Variants in CRADD observed in about 807,000 individuals in gnomAD.
CRADD encodes the protein death domain-containing protein CRADD.
In CRADD, 9 loss-of-function variants were observed where a neutral mutation model predicts 15.5. That is an observed-to-expected ratio of 0.58 (90% CI 0.35 to 1.01). CRADD has a LOEUF of 1.01. CRADD is among the 50% of genes least tolerant of loss of function. CRADD has a pLI of 0.02. For missense variants in CRADD, 227 were observed against 250.3 expected (o/e 0.91, Z 0.63); for synonymous variants, 118 against 107.6 (o/e 1.10, Z -0.60).
At chr12:93,701,716 G>A (rs1472712845) in intron 2 of CRADD, among the ~76,000 whole-genome samples, 1 of 152,142 alleles carries the variant, frequency 6.6e-6, no homozygotes, top group African/African-American at 2.4e-5. Context: ...GCTGGCAAAG[G>A]AGGAAATTAC....
chr12:93,717,535 A>AT (rs1290375293), intron 2 of CRADD, among the ~76,000 whole-genome samples: 1 of 151,806 alleles, frequency 6.6e-6, no homozygotes, highest in East Asian at 1.9e-4. Flanking sequence ...TCTATTTTTA[A>AT]TTTTTTTAGA....
intron 2 of CRADD, among the ~76,000 whole-genome samples, chr12:93,788,888 T>C (rs1957315572): frequency 6.6e-6 from 1 of 152,130 alleles, no homozygotes; most frequent in African/African-American, 2.4e-5. Flanking sequence ...TGGATGTTAG[T>C]CCCTGTCGTC....
At chr12:93,809,152 G>T (rs1332235647) in intron 2 of CRADD, among the ~76,000 whole-genome samples, 1 of 152,286 alleles carries the variant, frequency 6.6e-6, no homozygotes, top group East Asian at 1.9e-4. Context: ...GACCTCAGGT[G>T]ATCCACCTGC....
chr12:93,782,279 G>A (rs1198978434), intron 2 of CRADD, among the ~76,000 whole-genome samples: 1 of 150,754 alleles, frequency 6.6e-6, no homozygotes, highest in Non-Finnish European at 1.5e-5. Flanking sequence ...ACTCATAGGT[G>A]GGAATTGAAC....
chr12:93,686,043 T>G lies in CRADD; in HGVS notation c.298+6971T>G, dbSNP rs576939327. 6.0e-5 allele frequency among the ~76,000 whole-genome samples: 9 copies of G among 150,948 alleles called. No individual in the cohort carries two copies. In the East Asian group the frequency reaches 1.8e-3, roughly 30 times the overall value. ...GGTTGGGTGTAGTGGCTCATGCCTG[T>G]AATCCCTACACTTTGGGAGGCTGAG... is the stretch of plus-strand genomic sequence containing the variant. On this transcript the variant is annotated intron_variant, in intron 2 of 2. Transcript: ENST00000332896.
intron 2 of CRADD, among the ~76,000 whole-genome samples, chr12:93,772,238 C>T (rs1280883741): frequency 6.6e-6 from 1 of 152,178 alleles, no homozygotes; most frequent in Non-Finnish European, 1.5e-5. Context: ...TATTGACAGT[C>T]TTTATGAGCT....
At chr12:93,787,281 A>G (rs1957289149) in intron 2 of CRADD, among the ~76,000 whole-genome samples, 1 of 149,578 alleles carries the variant, frequency 6.7e-6, no homozygotes, top group African/African-American at 2.5e-5. Context: ...AAAACGAGCC[A>G]GGACTGTAAA....
intron 2 of CRADD, among the ~76,000 whole-genome samples, chr12:93,773,277 CA>C (rs1957103935): frequency 6.6e-6 from 1 of 152,140 alleles, no homozygotes. Context: ...TGAATTCCCA[CA>C]TGTTGTGGGA....
At chr12:93,749,524 C>CTGA (rs1956807054) in intron 2 of CRADD, among the ~76,000 whole-genome samples, 1 of 152,210 alleles carries the variant, frequency 6.6e-6, no homozygotes. Context: ...TGCTGGGCTT[C>CTGA]TTCAGTGATA....
At chr12:93,678,652 C>T (rs780483928) in intron 1 of CRADD, 117 bp from the exon 2 acceptor site, 298 of 1,015,480 alleles carry the variant, frequency 2.9e-4, no homozygotes, top group Non-Finnish European at 4.1e-4. Context: ...CATGACCTGG[C>T]AGTCTGCTAT....
intron 2 of CRADD, among the ~76,000 whole-genome samples, chr12:93,795,902 G>A (rs952210202): frequency 4.6e-5 from 7 of 152,210 alleles, no homozygotes; most frequent in Non-Finnish European, 7.3e-5. Context: ...ACACACTAGG[G>A]ATGTCCCAGG....
chr12:93,763,878 A>T (rs1381277013), intron 2 of CRADD, among the ~76,000 whole-genome samples: 1 of 152,164 alleles, frequency 6.6e-6, no homozygotes, highest in African/African-American at 2.4e-5. Flanking sequence ...AAACCACAGA[A>T]ATGTTCATCA....
chr12:93,860,612 G>A (rs1214606768), intron 2 of CRADD, among the ~76,000 whole-genome samples: 2 of 152,164 alleles, frequency 1.3e-5, no homozygotes, highest in East Asian at 1.9e-4. Context: ...GTAAAAACCC[G>A]AGGGAGGGAG....
Position 93,824,234 on chromosome 12 carries a change from A to T in CRADD, c.299-25736A>T, listed in dbSNP as rs1056060930. Among the ~76,000 whole-genome samples, 3 of 152,204 alleles carry T rather than the reference A, an allele frequency of 2.0e-5. No homozygotes were observed. Among genetic ancestry groups the T allele is most frequent in the Non-Finnish European group, 4.4e-5 (3 of 68,034 alleles). The stretch of plus-strand genomic sequence containing the variant: ...CCGGTCTCATTTTCAGTGTCTCAGC[A>T]TACTTTCCAATGCTTCCAGTAATGG... On this transcript the variant is annotated intron_variant, in intron 2 of 2. Coordinates refer to ENST00000332896, the MANE Select transcript of CRADD (RefSeq NM_003805.5). This position sits in a 1 kb window ranked among gnomAD's most constrained non-coding sequence, Gnocchi z 4.3.
intron 2 of CRADD, among the ~76,000 whole-genome samples, chr12:93,826,269 A>G (rs564900881): frequency 6.6e-6 from 1 of 152,364 alleles, no homozygotes; most frequent in Admixed American, 6.5e-5. Flanking sequence ...CCGCTGTGAA[A>G]CTTGGGTTAA....
Position 93,824,421 on chromosome 12 carries a change from TACAC to T in CRADD, c.299-25532_299-25529del, listed in dbSNP as rs35071454. On this transcript the variant is annotated intron_variant, in intron 2 of 2. Transcript: ENST00000332896. This position sits in a 1 kb window ranked among gnomAD's most constrained non-coding sequence, Gnocchi z 4.3. ...ACACACACACACTCATACACACACA[TACAC>T]ACACACACACACACACTACCAGGAA... 3.0e-4 allele frequency among the ~76,000 whole-genome samples: 45 copies of T among 150,466 alleles called. No individual in the cohort carries two copies. Among genetic ancestry groups the T allele is most frequent in the African/African-American group, 8.8e-4 (36 of 41,128 alleles).
At chr12:93,737,206 G>C (rs1408735523) in intron 2 of CRADD, among the ~76,000 whole-genome samples, 1 of 152,198 alleles carries the variant, frequency 6.6e-6, no homozygotes, top group Admixed American at 6.5e-5. Context: ...TTTGTGCAGA[G>C]ATGTCCAAGT....
At chr12:93,784,004 G>A (rs1013454823) in intron 2 of CRADD, among the ~76,000 whole-genome samples, 4 of 152,100 alleles carry the variant, frequency 2.6e-5, no homozygotes, top group Non-Finnish European at 5.9e-5. Flanking sequence ...AAGCCACCTC[G>A]CCAAACTCTT....
intron 2 of CRADD, among the ~76,000 whole-genome samples, chr12:93,718,535 T>C (rs1394739538): frequency 6.6e-6 from 1 of 152,226 alleles, no homozygotes; most frequent in African/African-American, 2.4e-5. Flanking sequence ...TAATTGCTTA[T>C]TAGTTCCAGG....
Sources: gnomAD v4.1 joint callset for allele counts (sites outside exome capture counted in the v4.1 genomes callset) on GRCh38, gnomAD v4.1.1 for gene constraint, Gnocchi (gnomAD v3.1) non-coding constraint, MANE v1.5 for transcripts, NCBI Gene and HGNC (gene_info 2026-07-23, HGNC 2026-07-21) for gene names.